AMPH: variants seen among roughly 807,000 people sequenced by gnomAD.
AMPH encodes the protein amphiphysin (Stiff-Mann syndrome with breast cancer 128kD autoantigen).
AMPH carries 49 observed loss-of-function variants against 99.1 expected under a neutral mutation model. The ratio of observed to expected loss-of-function variants is 0.49; its 90% confidence interval spans 0.39 to 0.63. The LOEUF is 0.63. Ranked by LOEUF, AMPH falls within the 20% of genes least tolerant of loss-of-function variation. The probability of loss-of-function intolerance (pLI) is 0.00; values close to 1 mark genes in which losing one functional copy is unlikely to be tolerated. For synonymous variants in AMPH, 314 were observed against 317.3 expected (o/e 0.99, Z 0.11); for missense variants, 759 against 863.4 (o/e 0.88, Z 1.52).
chr7:38,442,166 G>A (rs1229617832), intron 11 of AMPH, among the ~76,000 whole-genome samples: 1 of 151,976 alleles, frequency 6.6e-6, no homozygotes, highest in African/African-American at 2.4e-5. Flanking sequence ...TTAATACTTG[G>A]GTGAGGAAGT....
chr7:38,561,959 G>C (rs1191856264), intron 1 of AMPH, among the ~76,000 whole-genome samples: 1 of 149,980 alleles, frequency 6.7e-6, no homozygotes, highest in Non-Finnish European at 1.5e-5. Context: ...AAACCACCCA[G>C]TCTATATGTT....
intron 3 of AMPH, among the ~76,000 whole-genome samples, chr7:38,496,095 G>T (rs924282798): frequency 1.3e-5 from 2 of 152,154 alleles, no homozygotes; most frequent in South Asian, 4.1e-4. Flanking sequence ...ACAGGGAGAG[G>T]AGAGGAAAAT....
chr7:38,450,439 C>T (rs991956707), intron 11 of AMPH, among the ~76,000 whole-genome samples: 1 of 152,168 alleles, frequency 6.6e-6, no homozygotes, highest in African/African-American at 2.4e-5. Flanking sequence ...CCTAAGTCTT[C>T]CTCTGGCAGA....
chr7:38,401,892 C>T (rs1169663626), intron 17 of AMPH, among the ~76,000 whole-genome samples: 2 of 151,932 alleles, frequency 1.3e-5, no homozygotes, highest in African/African-American at 4.8e-5. Flanking sequence ...GCCACTTCTG[C>T]TTCTGTAACA....
chr7:38,620,240 T>G (rs1794002974), intron 1 of AMPH, among the ~76,000 whole-genome samples: 1 of 152,000 alleles, frequency 6.6e-6, no homozygotes, highest in African/African-American at 2.4e-5. Context: ...CTTAATTATA[T>G]TTCTCTCTCG....
chr7:38,592,764 G>A (rs1261322871), intron 1 of AMPH, among the ~76,000 whole-genome samples: 1 of 151,508 alleles, frequency 6.6e-6, no homozygotes, highest in Non-Finnish European at 1.5e-5. Context: ...TTCTCCCACT[G>A]TGTGGTCTCA....
chr7:38,428,809 C>T (rs1281225305), intron 14 of AMPH: 1 of 468,132 alleles, frequency 2.1e-6, no homozygotes, highest in Non-Finnish European at 4.2e-6. Flanking sequence ...GCCATATCTC[C>T]TCCTTCCATG....
intron 2 of AMPH, among the ~76,000 whole-genome samples, chr7:38,508,424 T>C (rs1300292741): frequency 3.3e-5 from 5 of 152,248 alleles, no homozygotes; most frequent in South Asian, 4.1e-4. Context: ...CACTAACTTA[T>C]GTTTATAAGT....
chr7:38,438,683 C>G (rs1360238711), intron 11 of AMPH, among the ~76,000 whole-genome samples: 1 of 152,184 alleles, frequency 6.6e-6, no homozygotes, highest in Non-Finnish European at 1.5e-5. Flanking sequence ...TGATTGAGAT[C>G]AATCTGTGGT....
intron 11 of AMPH, among the ~76,000 whole-genome samples, chr7:38,457,869 C>T (rs765914239): frequency 7.0e-4 from 107 of 152,192 alleles, no homozygotes; most frequent in Middle Eastern, 6.8e-3. Context: ...TCTTTCAAGG[C>T]TATTACTAAT....
At chr7:38,603,189 G>A (rs562775196) in intron 1 of AMPH, among the ~76,000 whole-genome samples, 20 of 151,746 alleles carry the variant, frequency 1.3e-4, no homozygotes, top group East Asian at 3.9e-4. Flanking sequence ...GGTGGCATGC[G>A]CCTGTAATCC....
At chr7:38,405,203 C>T (rs1784949660) in intron 17 of AMPH, among the ~76,000 whole-genome samples, 1 of 152,118 alleles carries the variant, frequency 6.6e-6, no homozygotes, top group Non-Finnish European at 1.5e-5. Context: ...ACAAGAAATG[C>T]TGAAAGGAGT....
chr7:38,622,032 T>G (rs376558026), intron 1 of AMPH, among the ~76,000 whole-genome samples: 1 of 152,226 alleles, frequency 6.6e-6, no homozygotes, highest in Non-Finnish European at 1.5e-5. Flanking sequence ...TGATGCTGTA[T>G]AGATGGTCTT....
chr7:38,627,110 G>C (rs907813450), intron 1 of AMPH, among the ~76,000 whole-genome samples: 1 of 151,852 alleles, frequency 6.6e-6, no homozygotes, highest in African/African-American at 2.4e-5. Context: ...CCTGGCTTTC[G>C]CACTGGCTCA....
chr7:38,617,698 T>G (rs570399072), intron 1 of AMPH, among the ~76,000 whole-genome samples: 1 of 152,356 alleles, frequency 6.6e-6, no homozygotes, highest in Admixed American at 6.5e-5. Flanking sequence ...CCCTTAATAC[T>G]TTAGACTCAT....
At chr7:38,421,885 C>G (rs372796927) in intron 16 of AMPH, among the ~76,000 whole-genome samples, 8 of 152,184 alleles carry the variant, frequency 5.3e-5, no homozygotes, top group East Asian at 1.9e-4. Flanking sequence ...TTTTAAGAAT[C>G]TTCTCTAACG....
intron 12 of AMPH, among the ~76,000 whole-genome samples, 154 bp from the exon 13 acceptor site, chr7:38,432,366 T>C (rs893408931): frequency 2.0e-5 from 3 of 152,206 alleles, no homozygotes; most frequent in Admixed American, 6.5e-5. Context: ...AAATGATCCA[T>C]ATCTGTGCTT....
At chr7:38,485,993 T>C (rs1429859126) in intron 5 of AMPH, among the ~76,000 whole-genome samples, 7 of 151,616 alleles carry the variant, frequency 4.6e-5, no homozygotes, top group African/African-American at 1.7e-4. Flanking sequence ...AACGCATACA[T>C]TAAAAGGAAA....
At chr7:38,486,529 TC>T (rs1378473992) in intron 5 of AMPH, among the ~76,000 whole-genome samples, 1 of 152,068 alleles carries the variant, frequency 6.6e-6, no homozygotes, top group Non-Finnish European at 1.5e-5. Flanking sequence ...TAATGCCAAT[TC>T]TTCTCAAGCT....
Sources: allele counts gnomAD v4.1 joint callset (sites outside exome capture counted in the v4.1 genomes callset), GRCh38; gene constraint gnomAD v4.1.1; transcripts MANE v1.5; gene names NCBI Gene and HGNC (gene_info 2026-07-23, HGNC 2026-07-21).